JAK1: variants seen among roughly 807,000 people sequenced by gnomAD.
JAK1 encodes tyrosine-protein kinase JAK1.
In JAK1, 16 loss-of-function variants were observed where a neutral mutation model predicts 136.6. The ratio of observed to expected loss-of-function variants is 0.12; its 90% CI spans 0.08 to 0.18. JAK1 has a LOEUF of 0.18. JAK1 is among the 10% of genes least tolerant of loss of function. The pLI is 1.00. For missense variants in JAK1, 859 were observed against 1,450.1 expected (o/e 0.59, Z 6.62); for synonymous variants, 492 against 519.5 (o/e 0.95, Z 0.72).
At chr1:64,964,072 T>C (rs1291218944) in intron 1 of JAK1, among the ~76,000 whole-genome samples, 1 of 152,242 alleles carries the variant, frequency 6.6e-6, no homozygotes, top group Non-Finnish European at 1.5e-5. Flanking sequence ...CAAGGTTCCA[T>C]ATACCACTGA....
intron 1 of JAK1, among the ~76,000 whole-genome samples, chr1:64,896,780 G>C (rs1645020299): frequency 6.6e-6 from 1 of 152,160 alleles, no homozygotes; most frequent in Admixed American, 6.5e-5. Context: ...CTAAGAGTGG[G>C]GCTGGTGTAG....
At chr1:64,909,842 C>CA (rs1192677413) in intron 1 of JAK1, among the ~76,000 whole-genome samples, 1 of 151,920 alleles carries the variant, frequency 6.6e-6, no homozygotes, top group Non-Finnish European at 1.5e-5. Flanking sequence ...GACAGGGTCT[C>CA]AAAAAAATAA....
At chr1:64,886,484 A>C in intron 1 of JAK1, 143 bp from the exon 2 acceptor site, 1 of 517,172 alleles carries the variant, frequency 1.9e-6, no homozygotes, top group Non-Finnish European at 3.3e-6. Flanking sequence ...AACAAAACAA[A>C]ACAAAAAAAT....
At chr1:65,055,391 T>C (rs1356415890) in intron 1 of JAK1, among the ~76,000 whole-genome samples, 1 of 152,242 alleles carries the variant, frequency 6.6e-6, no homozygotes, top group Non-Finnish European at 1.5e-5. Context: ...ATTTCATTTA[T>C]CTACTTATCC....
At chr1:64,997,956 A>G (rs1350669579) in intron 2 of JAK1, among the ~76,000 whole-genome samples, 1 of 152,232 alleles carries the variant, frequency 6.6e-6, no homozygotes, top group East Asian at 1.9e-4. Flanking sequence ...GCCTGTAAAT[A>G]TGGTGAAGAA....
intron 6 of JAK1, among the ~76,000 whole-genome samples, chr1:64,868,467 T>G (rs936277450): frequency 6.6e-6 from 1 of 152,188 alleles, no homozygotes; most frequent in African/African-American, 2.4e-5. Flanking sequence ...GAACTGTCAT[T>G]TTTCAATTTA....
intron 1 of JAK1, among the ~76,000 whole-genome samples, chr1:64,965,892 G>A (rs1327265777): frequency 6.6e-6 from 1 of 152,152 alleles, no homozygotes; most frequent in Non-Finnish European, 1.5e-5. Flanking sequence ...GGCCGAAGAA[G>A]AAAACCTTTC....
At chr1:64,891,266 C>T (rs1644931755) in intron 1 of JAK1, among the ~76,000 whole-genome samples, 1 of 152,156 alleles carries the variant, frequency 6.6e-6, no homozygotes, top group African/African-American at 2.4e-5. Flanking sequence ...AGGAGTCAAA[C>T]ACGTGACTAC....
At position 64,838,116 on chromosome 1, in the gene JAK1, A is replaced by G; in HGVS notation, c.2968-12T>C. 1 of 1,607,974 alleles carries G rather than the reference A, an allele frequency of 6.2e-7. No homozygotes were observed. The highest frequency in any genetic ancestry group is 8.5e-7 in the Non-Finnish European group (1 of 1,175,940). On this transcript the variant is annotated splice_polypyrimidine_tract_variant and intron_variant, in intron 21 of 24. Transcript: ENST00000342505. ...AAATAGTCCATCCCCTGAGAGAGAGAAGTAAAAGTCAAGCACATTGCTAAA... is the reference window on the plus strand; with the variant it reads ...AAATAGTCCATCCCCTGAGAGAGAGGAGTAAAAGTCAAGCACATTGCTAAA...
intron 2 of JAK1, among the ~76,000 whole-genome samples, chr1:64,986,917 G>C (rs1258985483): frequency 6.6e-6 from 1 of 152,046 alleles, no homozygotes; most frequent in South Asian, 2.1e-4. Context: ...ACTTAGTACA[G>C]TATCTGGCAT....
chr1:64,953,565 C>T lies in JAK1; in HGVS notation c.-78+12768G>A, dbSNP rs565471082. 2.4e-3 allele frequency among the ~76,000 whole-genome samples: 366 copies of T among 152,302 alleles called. 2 individuals carry two copies. Among genetic ancestry groups the T allele is most frequent in the African/African-American group, 8.5e-3 (352 of 41,550 alleles). On this transcript the variant is annotated intron_variant, in intron 1 of 24. Coordinates refer to ENST00000342505, the MANE Select transcript of JAK1 (RefSeq NM_002227.4). ...TAAAATGTCAAAAACAGCAATACAA[C>T]TTTTAAACTAAATATTTCACAAAAA...
chr1:64,867,946 T>C (rs755432664), intron 6 of JAK1, among the ~76,000 whole-genome samples: 8 of 151,956 alleles, frequency 5.3e-5, no homozygotes, highest in African/African-American at 4.8e-5. Context: ...GCCAAGATCA[T>C]GCCATTGTAC....
intron 2 of JAK1, chr1:65,003,631 T>C (rs1274009480): frequency 6.6e-6 from 1 of 152,170 alleles, no homozygotes; most frequent in East Asian, 1.9e-4. Flanking sequence ...GTTAAGTGAT[T>C]TGCCCAAAGT....
chr1:64,920,421 T>C (rs1645474561), intron 1 of JAK1, among the ~76,000 whole-genome samples: 1 of 152,004 alleles, frequency 6.6e-6, no homozygotes, highest in South Asian at 2.1e-4. Flanking sequence ...ATACCTGTAG[T>C]CCCAGCTACT....
intron 2 of JAK1, chr1:64,972,176 T>A (rs556485584): frequency 3.9e-4 from 60 of 152,352 alleles, no homozygotes; most frequent in African/African-American, 1.3e-3. Context: ...CTCTTCCACA[T>A]GCACATTGAT....
At chr1:65,037,658 C>A (rs1398672905) in intron 2 of JAK1, among the ~76,000 whole-genome samples, 4 of 152,072 alleles carry the variant, frequency 2.6e-5, no homozygotes, top group Admixed American at 2.6e-4. Context: ...AGCCCAGGAG[C>A]TGGAGACCAG....
At chr1:64,962,531 G>A (rs1646299886) in intron 1 of JAK1, among the ~76,000 whole-genome samples, 1 of 152,136 alleles carries the variant, frequency 6.6e-6, no homozygotes, top group African/African-American at 2.4e-5. Context: ...ATGCTTTCCT[G>A]TCGCCTTAAA....
chr1:65,000,668 T>C (rs538336552), intron 2 of JAK1, among the ~76,000 whole-genome samples: 1 of 152,296 alleles, frequency 6.6e-6, no homozygotes, highest in Non-Finnish European at 1.5e-5. Flanking sequence ...TTCCATGATA[T>C]TTGATTCAAA....
At chr1:65,056,013 C>T (rs1647518534) in intron 1 of JAK1, among the ~76,000 whole-genome samples, 1 of 152,200 alleles carries the variant, frequency 6.6e-6, no homozygotes, top group Non-Finnish European at 1.5e-5. Context: ...CCAATGATTG[C>T]ACAACACATA....
Sources: allele counts gnomAD v4.1 joint callset (sites outside exome capture counted in the v4.1 genomes callset), GRCh38; gene constraint gnomAD v4.1.1; transcripts MANE v1.5; gene names NCBI Gene and HGNC (gene_info 2026-07-23, HGNC 2026-07-21).